Variants in OR13A1 observed in about 807,000 individuals in gnomAD.
OR13A1 encodes olfactory receptor family 13 subfamily A member 1.
In OR13A1, 10 loss-of-function variants were observed where a neutral mutation model predicts 7.5. That is an observed-to-expected ratio of 1.34 (90% CI 0.83 to 2.27). The LOEUF is 2.27. Among genes scored for constraint, OR13A1 ranks in the 30% most tolerant of loss-of-function variants. The pLI is 0.00. For missense variants in OR13A1, 509 were observed against 419.1 expected (o/e 1.21, Z -1.87); for synonymous variants, 238 against 177.9 (o/e 1.34, Z -2.69).
chr10:45,307,209 A>G (rs1212118590), intron 3 of OR13A1, among the ~76,000 whole-genome samples: 1 of 152,208 alleles, frequency 6.6e-6, no homozygotes, highest in Non-Finnish European at 1.5e-5. Context: ...AACACCTACC[A>G]AGCAGCAGTG....
At position 45,303,574 on chromosome 10, in the gene OR13A1, G is replaced by C. The variant is rs761357535; in HGVS notation, c.849C>G (p.Gly283=). The change falls in exon 4 of 4, where the codon GGC becomes GGG. Residue 283 remains glycine (G), a synonymous_variant. Transcript: ENST00000553795. ...CCAACTTGCTCTTCCCTGCGCTGTA[G>C]CCAGAGACCGGGCTTATGTAGGCGT... is the stretch of plus-strand genomic sequence containing the variant. ...VFYAYISPVS[G]YSAGKSKLAG... is the part of the protein sequence containing the mutation. The C allele has an allele frequency of 3.1e-6, 5 of 1,614,004 alleles. No homozygotes were observed. Among genetic ancestry groups the C allele is most frequent in the Non-Finnish European group, 4.2e-6 (5 of 1,180,054 alleles).
rs374258056 is a variant in OR13A1, at chr10:45,307,517, T to C, written c.-104A>G. On this transcript the variant is annotated 5_prime_UTR_variant, in exon 3 of 4. Coordinates refer to ENST00000553795, the MANE Select transcript of OR13A1 (RefSeq NM_001004297.3). ...AAAGAATCGGGGCTCCAATCCTCTT[T>C]CCATGAGAATGACCACAAGATTTCT... 15 of 152,310 alleles carry C rather than the reference T, an allele frequency of 9.8e-5. 2 individuals are homozygous for C. The highest frequency in any genetic ancestry group is 2.6e-4 in the Admixed American group (4 of 15,302). The allele number at this position is 152,310 out of a possible 1,614,324, so 9.4% of individuals were successfully genotyped here.
intron 1 of OR13A1, among the ~76,000 whole-genome samples, chr10:45,309,480 G>A (rs889454537): frequency 2.0e-5 from 3 of 152,014 alleles, no homozygotes; most frequent in Admixed American, 2.0e-4. Context: ...CTGAGTCTCT[G>A]TCCCATTCAG....
At chr10:45,307,265 C>T (rs975599788) in intron 3 of OR13A1, among the ~76,000 whole-genome samples, 161 bp downstream of exon 3, 10 of 152,188 alleles carry the variant, frequency 6.6e-5, no homozygotes, top group Non-Finnish European at 8.8e-5. Flanking sequence ...AAACCTATTA[C>T]GAAGGAAACC....
chr10:45,310,473 T>C (rs938273455), intron 1 of OR13A1, among the ~76,000 whole-genome samples: 1 of 152,226 alleles, frequency 6.6e-6, no homozygotes, highest in African/African-American at 2.4e-5. Context: ...TAATACAATT[T>C]ATTTTAAGCA....
intron 3 of OR13A1, among the ~76,000 whole-genome samples, chr10:45,305,449 G>C (rs140438175): frequency 2.0e-5 from 3 of 152,310 alleles, no homozygotes; most frequent in African/African-American, 7.2e-5. Flanking sequence ...ACCAGAGCTT[G>C]AACAGTGATT....
chr10:45,304,241 ACATTACCTGTGAGGG>A lies in OR13A1; in HGVS notation c.167_181del (p.Ala56_Asn60del). Reference sequence around the variant, plus strand: ...GAACGTGATGGCCAAGGTGATGAGGACATTACCTGTGAGGGCCCCAGAGTAGAGGAAGAGGAAACA... The same window carrying A: ...GAACGTGATGGCCAAGGTGATGAGGACCCCAGAGTAGAGGAAGAGGAAACA... On this transcript the variant is annotated inframe_deletion, in exon 4 of 4. Coordinates refer to ENST00000553795, the MANE Select transcript of OR13A1 (RefSeq NM_001004297.3). The A allele has an allele frequency of 1.2e-6, 2 of 1,613,960 alleles. No homozygotes were observed. Among genetic ancestry groups the A allele is most frequent in the African/African-American group, 2.7e-5 (2 of 75,030 alleles).
chr10:45,306,180 C>T (rs967046815), intron 3 of OR13A1, among the ~76,000 whole-genome samples: 2 of 152,138 alleles, frequency 1.3e-5, no homozygotes, highest in African/African-American at 4.8e-5. Flanking sequence ...AGAGGCTGGG[C>T]GTGGTGACTC....
chr10:45,306,259 C>T (rs755802153), intron 3 of OR13A1, among the ~76,000 whole-genome samples: 18 of 152,100 alleles, frequency 1.2e-4, no homozygotes, highest in Non-Finnish European at 2.5e-4. Context: ...TCGAGACCTT[C>T]CTGGCTAACA....
At chr10:45,311,693 G>A (rs1838450528) in intron 1 of OR13A1, among the ~76,000 whole-genome samples, 1 of 152,058 alleles carries the variant, frequency 6.6e-6, no homozygotes, top group African/African-American at 2.4e-5. Context: ...AAGTTGGAGG[G>A]TAGGAGAAGG....
intron 3 of OR13A1, among the ~76,000 whole-genome samples, chr10:45,306,119 G>C (rs1838323144): frequency 6.6e-6 from 1 of 152,212 alleles, no homozygotes; most frequent in Non-Finnish European, 1.5e-5. Context: ...AATCAGCATA[G>C]TGCACATTTG....
chr10:45,309,909 C>T (rs1838408722), intron 1 of OR13A1, among the ~76,000 whole-genome samples: 1 of 152,146 alleles, frequency 6.6e-6, no homozygotes, highest in Non-Finnish European at 1.5e-5. Flanking sequence ...TCCGTAGTCT[C>T]TCTGAATCCC....
chr10:45,305,809 C>A (rs1838316294), intron 3 of OR13A1, among the ~76,000 whole-genome samples: 1 of 152,208 alleles, frequency 6.6e-6, no homozygotes, highest in Non-Finnish European at 1.5e-5. Context: ...TTCTGAGCAT[C>A]CCTTCCCTGG....
intron 1 of OR13A1, among the ~76,000 whole-genome samples, chr10:45,312,017 C>A (rs1179075888): frequency 2.6e-5 from 4 of 151,744 alleles, no homozygotes; most frequent in African/African-American, 4.8e-5. Context: ...TTAGACATTG[C>A]AAAAAAATTA....
rs1838283036 is a variant in OR13A1, at chr10:45,304,281, A to G, written c.142T>C (p.Cys48Arg). 1 of 1,614,074 alleles carries G rather than the reference A, an allele frequency of 6.2e-7. No homozygotes were observed. Among genetic ancestry groups the G allele is most frequent in the Non-Finnish European group, 8.5e-7 (1 of 1,180,038 alleles). Residue 48 changes from cysteine (C) to arginine (R), a missense_variant, in exon 4 of 4, where the codon TGT (cysteine) becomes CGT (arginine). Transcript: ENST00000553795. ...GCCCCAGAGTAGAGGAAGAGGAAACAGCTGAATAAGAACACCCGGTATTCT... is the reference window on the plus strand; with the variant it reads ...GCCCCAGAGTAGAGGAAGAGGAAACGGCTGAATAAGAACACCCGGTATTCT... ...HPEYRVFLFS[C>R]FLFLYSGALT...
At chr10:45,310,168 GCTAC>G (rs2133044427) in intron 1 of OR13A1, among the ~76,000 whole-genome samples, 1 of 152,280 alleles carries the variant, frequency 6.6e-6, no homozygotes, top group East Asian at 1.9e-4. Context: ...TTAATAATAT[GCTAC>G]CATTCAGGAA....
At position 45,303,745 on chromosome 10, in the gene OR13A1, T is replaced by C; in HGVS notation, c.678A>G (p.Ile226Met). Residue 226 changes from isoleucine to methionine, a missense_variant, in exon 4 of 4, where the codon ATA (isoleucine) becomes ATG (methionine). Physicochemically the swap from Ile to Met is conservative, Grantham distance 10. Coordinates refer to ENST00000553795, the MANE Select transcript of OR13A1 (RefSeq NM_001004297.3). ...MIVLADAFYG[I>M]VNFLMTIASY... ...ACGCGATGGTCATCAGGAAGTTCAC[T>C]ATGCCGTAGAAAGCATCCGCCAGGA... 1.2e-6 allele frequency: 2 copies of C among 1,614,180 alleles called. No homozygotes were observed. Among genetic ancestry groups the C allele is most frequent in the South Asian group, 1.1e-5 (1 of 91,090 alleles).
Position 45,307,826 on chromosome 10 carries a change from G to A in OR13A1, c.-224-18C>T, listed in dbSNP as rs1193949355. ...TCAAGCTTCTGAAGGGGGAAAAAAG[G>A]CATCTTGGATTACATTTATCACTTT... is the stretch of plus-strand genomic sequence containing the variant. On this transcript the variant is annotated intron_variant, in intron 1 of 3. Coordinates refer to ENST00000553795, the MANE Select transcript of OR13A1 (RefSeq NM_001004297.3). 6.6e-6 allele frequency: 1 copy of A among 152,128 alleles called. No individual in the cohort carries two copies. The highest frequency in any genetic ancestry group is 1.5e-5 in the Non-Finnish European group (1 of 68,018). 9.4% of individuals were successfully genotyped at this position (152,128 alleles called of 1,614,324 possible). A position where few individuals can be genotyped will look rare whatever the true frequency, so the allele number is the denominator to read the frequency against.
Position 45,303,538 on chromosome 10 carries a change from C to T in OR13A1, c.885G>A (p.Leu295=). The T allele has an allele frequency of 6.2e-7, 1 of 1,614,086 alleles. No homozygotes were observed. Among genetic ancestry groups the T allele is most frequent in the Middle Eastern group, 1.6e-4 (1 of 6,062 alleles). ...SAGKSKLAGL[L]YTVLSPTLNP... is the part of the protein sequence containing the mutation. Reference sequence around the variant, plus strand: ...TGAGGGTAGGACTCAGCACAGTGTACAGCAGGCCAGCCAACTTGCTCTTCC... The same window carrying T: ...TGAGGGTAGGACTCAGCACAGTGTATAGCAGGCCAGCCAACTTGCTCTTCC... Residue 295 remains leucine (L), a synonymous_variant, in exon 4 of 4, where the codon CTG becomes CTA. Coordinates refer to ENST00000553795, the MANE Select transcript of OR13A1 (RefSeq NM_001004297.3).
Sources: allele counts gnomAD v4.1 joint callset (sites outside exome capture counted in the v4.1 genomes callset), GRCh38; gene constraint gnomAD v4.1.1; transcripts MANE v1.5; gene names NCBI Gene and HGNC (gene_info 2026-07-23, HGNC 2026-07-21).